The following RAD23B variants were observed in gnomAD, a reference collection of about 807,000 sequenced individuals.
RAD23B encodes lysine-specific demethylase RAD23B.
Under a neutral mutation model 49.1 loss-of-function variants are expected in RAD23B, and 5 were observed. That is an observed-to-expected ratio of 0.10 (90% CI 0.05 to 0.21). RAD23B has a LOEUF of 0.21. Among genes scored for constraint, RAD23B ranks in the 10% least tolerant of loss-of-function variants. The probability of loss-of-function intolerance (pLI) is 1.00; values close to 1 mark genes in which losing one functional copy is unlikely to be tolerated. For missense variants in RAD23B, 356 were observed against 486.7 expected, an observed-to-expected ratio of 0.73 and a Z score of 2.53; for synonymous variants, 184 against 165.4, an observed-to-expected ratio of 1.11 and a Z score of -0.86.
intron 1 of RAD23B, among the ~76,000 whole-genome samples, chr9:107,296,252 C>T (rs955316802): frequency 2.6e-5 from 4 of 152,170 alleles, no homozygotes; most frequent in Admixed American, 6.5e-5. Context: ...GTCAAATCCC[C>T]GTGCCTTCCC....
At chr9:107,288,215 A>G (rs1833314002) in intron 1 of RAD23B, among the ~76,000 whole-genome samples, 1 of 152,178 alleles carries the variant, frequency 6.6e-6, no homozygotes, top group Non-Finnish European at 1.5e-5. Context: ...GTGAACTGGC[A>G]AAGCAGTGAT....
Position 107,318,846 on chromosome 9 carries a change from C to T in RAD23B, c.648C>T (p.Asn216=). The stretch of plus-strand genomic sequence containing the variant: ...TTGCAGCCCTGAGAGCCAGTTTCAA[C>T]AACCCTGACAGAGCAGTGGAGTATC... The part of the protein sequence containing the change: ...QVIAALRASF[N]NPDRAVEYLL... Residue 216 remains asparagine (N), a synonymous_variant, in exon 6 of 10, where the codon AAC becomes AAT. Coordinates refer to ENST00000358015, the MANE Select transcript of RAD23B (RefSeq NM_002874.5). This position sits in a 1 kb window ranked among gnomAD's most constrained non-coding sequence, Gnocchi z 4.3. 1 of 1,613,700 alleles carries T rather than the reference C, an allele frequency of 6.2e-7. No homozygotes were observed. The highest frequency in any genetic ancestry group is 1.7e-5 in the Admixed American group (1 of 60,028).
chr9:107,316,518 A>G (rs1305250210), intron 5 of RAD23B, among the ~76,000 whole-genome samples: 2 of 152,194 alleles, frequency 1.3e-5, no homozygotes, highest in African/African-American at 4.8e-5. Flanking sequence ...ATGTATTGCT[A>G]CTTGAGTTGC....
rs902744903 is a variant in RAD23B, at chr9:107,283,317, A to G, written c.-313A>G. On this transcript the variant is annotated 5_prime_UTR_variant, in exon 1 of 10. Coordinates refer to ENST00000358015, the MANE Select transcript of RAD23B (RefSeq NM_002874.5). ...GGCGGCCACCATCCTGTGGTGAGCTAGCGGATTCCCTGCTTGTCTCGCCGA... is the reference window on the plus strand; with the variant it reads ...GGCGGCCACCATCCTGTGGTGAGCTGGCGGATTCCCTGCTTGTCTCGCCGA... The G allele has an allele frequency of 1.2e-5, 5 of 415,988 alleles. No homozygotes were observed. Among genetic ancestry groups the G allele is most frequent in the Non-Finnish European group, 2.1e-5 (5 of 238,302 alleles). The allele number at this position is 415,988 out of a possible 1,614,324, so 25.8% of individuals were successfully genotyped here. A position where few individuals can be genotyped will look rare whatever the true frequency, so the allele number is the denominator to read the frequency against.
intron 1 of RAD23B, among the ~76,000 whole-genome samples, chr9:107,299,171 A>G (rs11573655): frequency 0.068 from 10,329 of 152,216 alleles, 418 homozygotes; most frequent in African/African-American, 0.1. Flanking sequence ...TTATCTTTGA[A>G]GTACACACCA....
Position 107,302,125 on chromosome 9 carries a change from A to C in RAD23B, c.228+11A>C, listed in dbSNP as rs758171253. On this transcript the variant is annotated intron_variant, in intron 3 of 9. Transcript: ENST00000358015. The stretch of plus-strand genomic sequence containing the variant: ...GTTATGGTGACCAAAGTAAGTTTCA[A>C]CCTCATTCTGTATATCTTTATGCAT... 2.5e-6 allele frequency: 4 copies of C among 1,611,612 alleles called. No homozygotes were observed. Among genetic ancestry groups the C allele is most frequent in the Admixed American group, 3.4e-5 (2 of 59,458 alleles).
At chr9:107,296,980 G>A (rs953484815) in intron 1 of RAD23B, among the ~76,000 whole-genome samples, 4 of 150,678 alleles carry the variant, frequency 2.7e-5, no homozygotes, top group Non-Finnish European at 5.9e-5. Context: ...TCAGCCTCCC[G>A]AGTAGCTGGG....
intron 1 of RAD23B, among the ~76,000 whole-genome samples, chr9:107,296,401 GA>G (rs1464596389): frequency 2.0e-5 from 3 of 152,184 alleles, no homozygotes; most frequent in African/African-American, 7.2e-5. Flanking sequence ...TTTCCAGTGT[GA>G]TAGTCTATTG....
intron 5 of RAD23B, among the ~76,000 whole-genome samples, chr9:107,317,159 A>C (rs539350263): frequency 6.6e-6 from 1 of 152,222 alleles, no homozygotes; most frequent in South Asian, 2.1e-4. Context: ...AACAGATTAT[A>C]GATATGGAGA....
In RAD23B at chr9:107,306,501, G is replaced by A. The variant is rs763322693; in HGVS notation, c.351G>A (p.Leu117=). 6.2e-7 allele frequency: 1 copy of A among 1,614,106 alleles called. No individual in the cohort carries two copies. Among genetic ancestry groups the A allele is most frequent in the Admixed American group, 1.7e-5 (1 of 60,010 alleles). Residue 117 remains leucine (L), a synonymous_variant, in exon 4 of 10, where the codon TTG becomes TTA. Coordinates refer to ENST00000358015, the MANE Select transcript of RAD23B (RefSeq NM_002874.5). The part of the protein sequence containing the change: ...VAQAPTPVPA[L]APTSTPASIT... ...AGGCTCCAACCCCTGTCCCTGCCTTGGCCCCCACTTCCACACCTGCATCCA... is the reference window on the plus strand; with the variant it reads ...AGGCTCCAACCCCTGTCCCTGCCTTAGCCCCCACTTCCACACCTGCATCCA...
intron 1 of RAD23B, among the ~76,000 whole-genome samples, 191 bp from the exon 2 acceptor site, chr9:107,299,950 T>C (rs1246601061): frequency 1.3e-5 from 2 of 152,176 alleles, no homozygotes; most frequent in Non-Finnish European, 2.9e-5. Flanking sequence ...TTAAAGTTTA[T>C]GGCTATCATA....
chr9:107,324,253 A>G (rs553007667), intron 8 of RAD23B, among the ~76,000 whole-genome samples: 1 of 152,326 alleles, frequency 6.6e-6, no homozygotes, highest in South Asian at 2.1e-4. Flanking sequence ...AACATTTTAT[A>G]TTTCCTTTTT....
intron 1 of RAD23B, among the ~76,000 whole-genome samples, chr9:107,294,242 G>T (rs1324815933): frequency 6.6e-6 from 1 of 152,122 alleles, no homozygotes; most frequent in South Asian, 2.1e-4. Flanking sequence ...ATTTTTAAAT[G>T]CACGATTTTT....
chr9:107,293,672 C>T (rs1833429467), intron 1 of RAD23B, among the ~76,000 whole-genome samples: 1 of 152,190 alleles, frequency 6.6e-6, no homozygotes, highest in African/African-American at 2.4e-5. Context: ...AAATCTTATG[C>T]AAAGTGCTGT....
intron 5 of RAD23B, among the ~76,000 whole-genome samples, chr9:107,312,790 G>A (rs1456750510): frequency 1.3e-5 from 2 of 152,088 alleles, no homozygotes; most frequent in Non-Finnish European, 2.9e-5. Flanking sequence ...GCAGTAAACT[G>A]TCTGTGGCCT....
rs1327992625 is a variant in RAD23B at position 107,325,430 on chromosome 9, G to T, written c.1116+426G>T. On this transcript the variant is annotated intron_variant, in intron 9 of 9. Transcript: ENST00000358015. ...CTATAATTTCTTTCAATAGTGTCCT[G>T]TAGTTTTCAGTGTAGAAGTTGTGTA... Among the ~76,000 whole-genome samples the T allele has an allele frequency of 2.0e-5, 3 of 151,208 alleles. No individual in the cohort carries two copies. In the East Asian group the frequency reaches 5.8e-4, roughly 29 times the overall value.
intron 1 of RAD23B, among the ~76,000 whole-genome samples, chr9:107,295,689 T>TG (rs530262539): frequency 4.9e-4 from 74 of 152,330 alleles, no homozygotes; most frequent in African/African-American, 1.6e-3. Flanking sequence ...GAAGATTTAG[T>TG]GTATCCTTTT....
chr9:107,304,272 CAATT>C lies in RAD23B; in HGVS notation c.229-2104_229-2101del, dbSNP rs558461321. 1.1e-3 allele frequency among the ~76,000 whole-genome samples: 160 copies of C among 152,198 alleles called. No homozygotes were observed. In the Middle Eastern group the frequency reaches 0.017, roughly 16 times the overall value. Reference sequence around the variant, plus strand: ...TTACATTGCAATATTATTTTGATAACAATTAAGGAAAATATTAAATGAGTATACC... The same window carrying C: ...TTACATTGCAATATTATTTTGATAACAAGGAAAATATTAAATGAGTATACC... On this transcript the variant is annotated intron_variant, in intron 3 of 9. Transcript: ENST00000358015.
chr9:107,298,547 C>T lies in RAD23B; in HGVS notation c.67-1594C>T, dbSNP rs113194109. ...GGTTTTACCATGTTAGCCAGGCTGA[C>T]CTCGAACTCCTGGCCTCAGGTGATC... is the stretch of plus-strand genomic sequence containing the variant. On this transcript the variant is annotated intron_variant, in intron 1 of 9. Coordinates refer to ENST00000358015, the MANE Select transcript of RAD23B (RefSeq NM_002874.5). 5.0e-3 allele frequency among the ~76,000 whole-genome samples: 647 copies of T among 128,824 alleles called. 7 individuals are homozygous for T. The highest frequency in any genetic ancestry group is 0.018 in the African/African-American group (603 of 32,972). The allele number at this position is 128,824 out of a possible 152,430, so 84.5% of individuals were successfully genotyped here.
Sources: gnomAD v4.1 joint callset for allele counts (sites outside exome capture counted in the v4.1 genomes callset) on GRCh38, gnomAD v4.1.1 for gene constraint, Gnocchi (gnomAD v3.1) non-coding constraint, MANE v1.5 for transcripts, NCBI Gene and HGNC (gene_info 2026-07-23, HGNC 2026-07-21) for gene names.